Variants in SNTG1 observed in about 807,000 individuals in gnomAD.
SNTG1 encodes gamma-1-syntrophin.
In SNTG1, 39 loss-of-function variants were observed where a neutral mutation model predicts 74.7. That is an observed-to-expected ratio of 0.52 (90% CI 0.40 to 0.68). The LOEUF is 0.68. SNTG1 is among the 30% of genes least tolerant of loss of function. SNTG1 has a pLI of 0.00. For missense variants in SNTG1, 685 were observed against 609.5 expected, an observed-to-expected ratio of 1.12 and a Z score of -1.30; for synonymous variants, 254 against 217.1, an observed-to-expected ratio of 1.17 and a Z score of -1.49.
At chr8:50,264,802 T>C (rs1317348230) in intron 2 of SNTG1, among the ~76,000 whole-genome samples, 1 of 151,988 alleles carries the variant, frequency 6.6e-6, no homozygotes, top group Non-Finnish European at 1.5e-5. Context: ...AAGGAGAACA[T>C]CATTACTGAG....
chr8:50,070,319 T>C (rs1821258035), intron 1 of SNTG1, among the ~76,000 whole-genome samples: 1 of 152,180 alleles, frequency 6.6e-6, no homozygotes, highest in Non-Finnish European at 1.5e-5. Flanking sequence ...GCTCCCATAA[T>C]TTAAAAAAAT....
chr8:50,587,132 T>C (rs1172121120), intron 12 of SNTG1, among the ~76,000 whole-genome samples: 1 of 151,802 alleles, frequency 6.6e-6, no homozygotes, highest in Non-Finnish European at 1.5e-5. Context: ...TATCAATCTT[T>C]GTGCATGTGT....
intron 2 of SNTG1, among the ~76,000 whole-genome samples, chr8:50,253,997 A>G (rs562945617): frequency 6.6e-6 from 1 of 152,306 alleles, no homozygotes; most frequent in East Asian, 1.9e-4. Flanking sequence ...TGTGATGAAA[A>G]TAGTTAACAG....
chr8:50,074,370 G>C (rs986854082), intron 1 of SNTG1, among the ~76,000 whole-genome samples: 1 of 152,116 alleles, frequency 6.6e-6, no homozygotes, highest in Non-Finnish European at 1.5e-5. Flanking sequence ...AAGAGTTGTG[G>C]CTGGTTTGAT....
chr8:50,132,315 A>G (rs1287119530), intron 1 of SNTG1, among the ~76,000 whole-genome samples: 3 of 152,084 alleles, frequency 2.0e-5, no homozygotes, highest in Admixed American at 6.6e-5. Context: ...AATCTTATCT[A>G]TATATCATCA....
chr8:50,782,468 C>T (rs1273647334), intron 18 of SNTG1, among the ~76,000 whole-genome samples: 2 of 152,208 alleles, frequency 1.3e-5, no homozygotes, highest in African/African-American at 4.8e-5. Flanking sequence ...TCTTCCATCA[C>T]TGATACTCTT....
In SNTG1 at chr8:50,570,226, TTTTTA is replaced by T. The variant is rs1175368970; in HGVS notation, c.810+17094_810+17098del. On this transcript the variant is annotated intron_variant, in intron 12 of 18. Coordinates refer to ENST00000642720, the MANE Select transcript of SNTG1 (RefSeq NM_018967.5). ...ATTGCTGGTTCATATGGTGGTTCTA[TTTTTA>T]TTTTATTTTATTTTATTTTATTTTA... Among the ~76,000 whole-genome samples, 217 of 46,848 alleles carry T rather than the reference TTTTTA, an allele frequency of 4.6e-3. 19 individuals carry two copies. The highest frequency in any genetic ancestry group is 0.031 in the Middle Eastern group (3 of 98). 30.7% of individuals were successfully genotyped at this position (46,848 alleles called of 152,430 possible).
At chr8:50,093,789 G>T (rs1234647723) in intron 1 of SNTG1, among the ~76,000 whole-genome samples, 1 of 152,158 alleles carries the variant, frequency 6.6e-6, no homozygotes, top group Non-Finnish European at 1.5e-5. Context: ...TTTATCTGAA[G>T]GTAGTGAAAA....
intron 4 of SNTG1, among the ~76,000 whole-genome samples, chr8:50,436,158 T>TA (rs1384471529): frequency 2.6e-5 from 4 of 152,180 alleles, no homozygotes; most frequent in Non-Finnish European, 5.9e-5. Flanking sequence ...AGACAACTGA[T>TA]ATGGGTTGTC....
intron 1 of SNTG1, among the ~76,000 whole-genome samples, chr8:50,019,996 G>T (rs1363325914): frequency 1.3e-5 from 2 of 152,098 alleles, no homozygotes; most frequent in Admixed American, 1.3e-4. Context: ...CAATTTGACA[G>T]CAGAATCCAT....
intron 2 of SNTG1, among the ~76,000 whole-genome samples, chr8:50,310,263 C>T (rs4873451): frequency 0.47 from 71,572 of 152,082 alleles, 19,416 homozygotes; most frequent in East Asian, 0.83. Context: ...TTATTGATTC[C>T]TTGGAGTGTT....
rs188599796 is a variant in SNTG1, at chr8:50,236,373, G to A, written c.-28+63738G>A. Among the ~76,000 whole-genome samples, 350 of 151,842 alleles carry A rather than the reference G, an allele frequency of 2.3e-3. 2 individuals are homozygous for A. The highest frequency in any genetic ancestry group is 8.0e-3 in the African/African-American group (331 of 41,416). On this transcript the variant is annotated intron_variant, in intron 2 of 18. Transcript: ENST00000642720. ...CCTTCTCCTTCCAAGGTATGATTCC[G>A]GTGCATCATTTTTATACATTTAAAT... is the stretch of plus-strand genomic sequence containing the variant.
In SNTG1 at chr8:50,233,236, T is replaced by G. The variant is rs546847380; in HGVS notation, c.-28+60601T>G. On this transcript the variant is annotated intron_variant, in intron 2 of 18. Transcript: ENST00000642720. ...ACATAGATCAATGGACCGGAAGAGA[T>G]GGCCCTAAAATAGTCACATACAAAA... 1.8e-4 allele frequency among the ~76,000 whole-genome samples: 28 copies of G among 151,734 alleles called. No individual in the cohort carries two copies. In the East Asian group the frequency reaches 5.4e-3, roughly 29 times the overall value.
At chr8:50,547,695 A>C (rs2130546438) in intron 11 of SNTG1, among the ~76,000 whole-genome samples, 1 of 152,278 alleles carries the variant, frequency 6.6e-6, no homozygotes, top group Non-Finnish European at 1.5e-5. Flanking sequence ...AAAAGAAATA[A>C]CCCTTGAAGA....
chr8:50,285,869 G>A (rs988099349), intron 2 of SNTG1, among the ~76,000 whole-genome samples: 2 of 148,902 alleles, frequency 1.3e-5, no homozygotes, highest in East Asian at 2.0e-4. Flanking sequence ...TATAATTATA[G>A]CAAGTATAAA....
chr8:50,545,900 G>A (rs2094383959), intron 11 of SNTG1, among the ~76,000 whole-genome samples: 1 of 151,924 alleles, frequency 6.6e-6, no homozygotes, highest in Non-Finnish European at 1.5e-5. Flanking sequence ...TTAGCAAATG[G>A]GTCTCTAACA....
intron 13 of SNTG1, among the ~76,000 whole-genome samples, chr8:50,613,090 A>G (rs1212711045): frequency 6.6e-6 from 1 of 152,198 alleles, no homozygotes; most frequent in Non-Finnish European, 1.5e-5. Flanking sequence ...ATCTGTTAAA[A>G]TCCAAGAGCA....
In SNTG1 at chr8:50,536,692, C is replaced by T. The variant is rs1261436261; in HGVS notation, c.564C>T (p.Cys188=). Residue 188 remains cysteine, a synonymous_variant, in exon 11 of 19, where the codon TGC becomes TGT. Coordinates refer to ENST00000642720, the MANE Select transcript of SNTG1 (RefSeq NM_018967.5). ...CTTCCTTTCAGGACACATTATCATG[C>T]TCGTCGTGGCCGACGTCTCCAGGCT... The part of the protein sequence containing the change: ...YHPNNTDTLS[C]SSWPTSPGLR... The T allele has an allele frequency of 6.2e-7, 1 of 1,613,700 alleles. No homozygotes were observed. The highest frequency in any genetic ancestry group is 8.5e-7 in the Non-Finnish European group (1 of 1,179,798).
At chr8:50,594,482 G>A (rs928430215) in intron 13 of SNTG1, among the ~76,000 whole-genome samples, 2 of 150,500 alleles carry the variant, frequency 1.3e-5, no homozygotes, top group African/African-American at 2.5e-5. Flanking sequence ...AAATTAATAA[G>A]GTTATACTTA....
Sources: gnomAD v4.1 joint callset for allele counts (sites outside exome capture counted in the v4.1 genomes callset) on GRCh38, gnomAD v4.1.1 for gene constraint, MANE v1.5 for transcripts, NCBI Gene and HGNC (gene_info 2026-07-23, HGNC 2026-07-21) for gene names.